ADCK1: variants seen among roughly 807,000 people sequenced by gnomAD.
The protein encoded by ADCK1 is aarF domain-containing protein kinase 1.
Under a neutral mutation model 52.3 loss-of-function variants are expected in ADCK1, and 41 were observed. The ratio of observed to expected loss-of-function variants is 0.78; its 90% CI spans 0.61 to 1.02. ADCK1 has a LOEUF of 1.02. ADCK1 is among the 50% of genes least tolerant of loss of function. The probability of loss-of-function intolerance (pLI) is 0.00; values close to 1 mark genes in which losing one functional copy is unlikely to be tolerated. For synonymous variants in ADCK1, 250 were observed against 274.6 expected, an observed-to-expected ratio of 0.91 and a Z score of 0.89; for missense variants, 658 against 679.5, an observed-to-expected ratio of 0.97 and a Z score of 0.35.
chr14:77,825,805 A>G (rs1222926583), intron 3 of ADCK1, among the ~76,000 whole-genome samples: 1 of 152,060 alleles, frequency 6.6e-6, no homozygotes, highest in East Asian at 1.9e-4. Context: ...GTTAGTTTTT[A>G]TGGAGGATCT....
chr14:77,916,610 G>A (rs1369782103), intron 7 of ADCK1, among the ~76,000 whole-genome samples: 5 of 152,124 alleles, frequency 3.3e-5, no homozygotes, highest in African/African-American at 2.4e-5. Flanking sequence ...GCACGCCACC[G>A]TGCCTAGATA....
intron 3 of ADCK1, among the ~76,000 whole-genome samples, chr14:77,842,856 A>AT (rs1388418598): frequency 6.5e-5 from 9 of 138,248 alleles, no homozygotes; most frequent in Non-Finnish European, 1.4e-4. Context: ...GGTCGAGGGT[A>AT]TTTTTTCTTT....
chr14:77,911,581 G>A (rs1462131087), intron 7 of ADCK1, among the ~76,000 whole-genome samples: 1 of 152,170 alleles, frequency 6.6e-6, no homozygotes, highest in Non-Finnish European at 1.5e-5. Context: ...CTCTAAGTAA[G>A]TGATTTTGTG....
chr14:77,852,673 A>ATATTTATATATATATATATATATTT lies in ADCK1; in HGVS notation c.220-6400_220-6399insTTATATATATATATATATATTTTAT, dbSNP rs1566667046. Among the ~76,000 whole-genome samples the ATATTTATATATATATATATATATTT allele has an allele frequency of 1.1e-4, 2 of 18,132 alleles. 1 individual carries two copies. Among genetic ancestry groups the ATATTTATATATATATATATATATTT allele is most frequent in the East Asian group, 4.1e-3 (2 of 484 alleles). The allele number at this position is 18,132 out of a possible 152,430, so 11.9% of individuals were successfully genotyped here. ...TTTAAATAAATAAATATATATATAT[A>ATATTTATATATATATATATATATTT]TATATATATATATATATATATATAT... On this transcript the variant is annotated intron_variant, in intron 3 of 10. Coordinates refer to ENST00000238561, the MANE Select transcript of ADCK1 (RefSeq NM_020421.4).
chr14:77,911,791 G>A (rs537568961), intron 7 of ADCK1, among the ~76,000 whole-genome samples: 90 of 151,234 alleles, frequency 6.0e-4, no homozygotes, highest in Non-Finnish European at 6.6e-4. Context: ...TGTACCAGGA[G>A]CTTTCTGCAT....
intron 7 of ADCK1, 88 bp from the exon 8 acceptor site, chr14:77,924,368 TA>T: frequency 6.5e-7 from 1 of 1,540,098 alleles, no homozygotes. Flanking sequence ...GGCCTCCCCT[TA>T]AAAGTGACCA....
At chr14:77,809,353 G>T (rs1422805652) in intron 1 of ADCK1, among the ~76,000 whole-genome samples, 2 of 152,014 alleles carry the variant, frequency 1.3e-5, no homozygotes. Context: ...TTTTGAGATG[G>T]AGTTTGGCTC....
intron 1 of ADCK1, among the ~76,000 whole-genome samples, chr14:77,800,469 T>G (rs2081085078): frequency 6.6e-6 from 1 of 152,268 alleles, no homozygotes; most frequent in Non-Finnish European, 1.5e-5. Context: ...GGCACAGTCT[T>G]GCAGGCACCC....
chr14:77,813,698 A>G (rs890691539), intron 1 of ADCK1, among the ~76,000 whole-genome samples: 5 of 151,948 alleles, frequency 3.3e-5, no homozygotes, highest in Non-Finnish European at 7.4e-5. Context: ...AAGGGGAGGC[A>G]TGTTTTTGGG....
rs1181402158 is a variant in ADCK1 at position 77,934,254 on chromosome 14, A to G, written c.*863A>G. 1.3e-5 allele frequency: 2 copies of G among 151,368 alleles called. No homozygotes were observed. Among genetic ancestry groups the G allele is most frequent in the Admixed American group, 1.3e-4 (2 of 15,196 alleles). 9.4% of individuals were successfully genotyped at this position (151,368 alleles called of 1,614,324 possible). A position where few individuals can be genotyped will look rare whatever the true frequency, so the allele number is the denominator to read the frequency against. On this transcript the variant is annotated 3_prime_UTR_variant, in exon 11 of 11. Coordinates refer to ENST00000238561, the MANE Select transcript of ADCK1 (RefSeq NM_020421.4). ...TCCAACCTGTGGGGCCACTTCCACT[A>G]TGGGGCCACTTCCTGCTTCTTGGGG...
intron 3 of ADCK1, among the ~76,000 whole-genome samples, chr14:77,842,681 G>A (rs1424987035): frequency 6.6e-6 from 1 of 151,798 alleles, no homozygotes; most frequent in African/African-American, 2.4e-5. Context: ...CTCCAGAGCA[G>A]CTGGGATTAC....
At chr14:77,800,633 TCTTG>T (rs1041356543) in intron 1 of ADCK1, among the ~76,000 whole-genome samples, 1 of 152,156 alleles carries the variant, frequency 6.6e-6, no homozygotes, top group African/African-American at 2.4e-5. Flanking sequence ...CTCCACCCGG[TCTTG>T]CGAACGTGCC....
chr14:77,919,349 C>G (rs2083997060), intron 7 of ADCK1, among the ~76,000 whole-genome samples: 1 of 152,200 alleles, frequency 6.6e-6, no homozygotes, highest in African/African-American at 2.4e-5. Flanking sequence ...ACTTGTTTTT[C>G]CAGTCCTGAG....
intron 4 of ADCK1, among the ~76,000 whole-genome samples, chr14:77,869,840 C>T (rs1036002946): frequency 6.6e-6 from 1 of 152,166 alleles, no homozygotes; most frequent in East Asian, 1.9e-4. Flanking sequence ...AGCTTTTAGC[C>T]TCACCTCTTC....
At chr14:77,924,396 A>C in intron 7 of ADCK1, 61 bp from the exon 8 acceptor site, 20 of 1,586,498 alleles carry the variant, frequency 1.3e-5, no homozygotes, top group Non-Finnish European at 1.5e-5. Flanking sequence ...GAGACCAGAC[A>C]GAGGTCCCTC....
chr14:77,801,577 C>T (rs555838198), intron 1 of ADCK1, among the ~76,000 whole-genome samples: 1 of 152,242 alleles, frequency 6.6e-6, no homozygotes, highest in East Asian at 1.9e-4. Context: ...TTGATCTGTA[C>T]TAGAAGAGTG....
At chr14:77,913,504 C>T (rs2083844369) in intron 7 of ADCK1, among the ~76,000 whole-genome samples, 1 of 152,168 alleles carries the variant, frequency 6.6e-6, no homozygotes, top group South Asian at 2.1e-4. Flanking sequence ...TAAGAGCTGG[C>T]GACAATGACT....
At chr14:77,870,506 T>C (rs1429729358) in intron 4 of ADCK1, among the ~76,000 whole-genome samples, 1 of 152,194 alleles carries the variant, frequency 6.6e-6, no homozygotes, top group African/African-American at 2.4e-5. Flanking sequence ...GCTAATGGTG[T>C]AGGACGGATG....
At chr14:77,931,824 C>A in intron 10 of ADCK1, 113 bp downstream of exon 10, 3 of 1,127,072 alleles carry the variant, frequency 2.7e-6, no homozygotes, top group Non-Finnish European at 3.7e-6. Context: ...CTGAGCTTCC[C>A]AATCTCCAGA....
Sources: allele counts gnomAD v4.1 joint callset (sites outside exome capture counted in the v4.1 genomes callset), GRCh38; gene constraint gnomAD v4.1.1; transcripts MANE v1.5; gene names NCBI Gene and HGNC (gene_info 2026-07-23, HGNC 2026-07-21).